Variants in GALNT17 observed in about 807,000 individuals in gnomAD.
GALNT17 encodes polypeptide N-acetylgalactosaminyltransferase 17, also known as UDP-GalNAc:polypeptide N-acetylgalactosaminyltransferase-like 3.
A neutral mutation model predicts 63.7 loss-of-function variants in GALNT17; 29 were observed. That is an observed-to-expected ratio of 0.46 (90% CI 0.34 to 0.62). GALNT17 has a LOEUF of 0.62. GALNT17 is among the 20% of genes least tolerant of loss of function. The pLI is 0.01. For missense variants in GALNT17, 603 were observed against 799.6 expected (o/e 0.75, Z 2.97); for synonymous variants, 305 against 318.3 (o/e 0.96, Z 0.45).
chr7:71,342,420 C>T (rs565633549), intron 2 of GALNT17, among the ~76,000 whole-genome samples: 1 of 152,268 alleles, frequency 6.6e-6, no homozygotes, highest in African/African-American at 2.4e-5. Context: ...TCCCACTAGG[C>T]CCCACCTCCC....
chr7:71,551,757 C>CA (rs398047765), intron 5 of GALNT17, among the ~76,000 whole-genome samples: 145 of 120,494 alleles, frequency 1.2e-3, no homozygotes, highest in South Asian at 4.9e-3. Context: ...GACCCTGTCT[C>CA]AAAAAAAAAA....
In GALNT17 at chr7:71,270,538, CAAAAAAAAAAAAAA is replaced by C. The variant is rs573250852; in HGVS notation, c.239-65002_239-64989del. Among the ~76,000 whole-genome samples, 241 of 89,196 alleles carry C rather than the reference CAAAAAAAAAAAAAA, an allele frequency of 2.7e-3. 2 individuals are homozygous for C. In the South Asian group the frequency reaches 0.036, roughly 13 times the overall value. The allele number at this position is 89,196 out of a possible 152,430, so 58.5% of individuals were successfully genotyped here. A position where few individuals can be genotyped will look rare whatever the true frequency, so the allele number is the denominator to read the frequency against. On this transcript the variant is annotated intron_variant, in intron 1 of 10. Transcript: ENST00000333538. ...AGACTACGTACCCTCCCCACCCCAC[CAAAAAAAAAAAAAA>C]AAAAAAAAAGAAACGAATTTTCTAA... is the stretch of plus-strand genomic sequence containing the variant.
chr7:71,583,853 G>A (rs1164625375), intron 6 of GALNT17, among the ~76,000 whole-genome samples: 3 of 152,078 alleles, frequency 2.0e-5, no homozygotes, highest in Non-Finnish European at 2.9e-5. Context: ...GGCTGGGCGC[G>A]GTGGCTCACG....
intron 5 of GALNT17, among the ~76,000 whole-genome samples, chr7:71,547,857 A>C (rs904290677): frequency 2.0e-5 from 3 of 152,122 alleles, no homozygotes; most frequent in African/African-American, 7.2e-5. Context: ...AGTTGTACAC[A>C]GTGATTTTTT....
At chr7:71,675,813 G>C (rs1160038223) in intron 8 of GALNT17, among the ~76,000 whole-genome samples, 1 of 151,990 alleles carries the variant, frequency 6.6e-6, no homozygotes, top group Non-Finnish European at 1.5e-5. Flanking sequence ...GTGGTGAAAC[G>C]CCATCTCTGC....
At chr7:71,442,117 C>T (rs1347594628) in intron 5 of GALNT17, among the ~76,000 whole-genome samples, 1 of 152,158 alleles carries the variant, frequency 6.6e-6, no homozygotes, top group Non-Finnish European at 1.5e-5. Flanking sequence ...TAAAAGTGTT[C>T]CTATTTCTCC....
chr7:71,667,002 A>G (rs1329251847), intron 7 of GALNT17, among the ~76,000 whole-genome samples: 2 of 152,234 alleles, frequency 1.3e-5, no homozygotes, highest in African/African-American at 2.4e-5. Context: ...TACATGTGGC[A>G]TGCTGAGAGT....
chr7:71,456,005 G>A (rs1362916762), intron 5 of GALNT17, among the ~76,000 whole-genome samples: 1 of 152,154 alleles, frequency 6.6e-6, no homozygotes, highest in Admixed American at 6.5e-5. Flanking sequence ...CAGCACTTTG[G>A]GAGGCTGAGG....
At chr7:71,504,827 C>G (rs1788240309) in intron 5 of GALNT17, among the ~76,000 whole-genome samples, 1 of 152,128 alleles carries the variant, frequency 6.6e-6, no homozygotes, top group South Asian at 2.1e-4. Context: ...CGTCACCTCT[C>G]AATGCTACGT....
At chr7:71,501,780 CA>C (rs887448032) in intron 5 of GALNT17, among the ~76,000 whole-genome samples, 1 of 152,194 alleles carries the variant, frequency 6.6e-6, no homozygotes, top group African/African-American at 2.4e-5. Flanking sequence ...GCTACTCCCC[CA>C]AACATCTGTC....
intron 1 of GALNT17, among the ~76,000 whole-genome samples, chr7:71,230,913 C>T (rs574963796): frequency 1.3e-5 from 2 of 152,106 alleles, no homozygotes; most frequent in East Asian, 1.9e-4. Context: ...AGTCTTGGGC[C>T]CCACCGCAGA....
intron 1 of GALNT17, among the ~76,000 whole-genome samples, chr7:71,162,581 G>C (rs903967795): frequency 2.9e-5 from 4 of 139,234 alleles, no homozygotes; most frequent in South Asian, 2.2e-4. Context: ...TGAATATAGG[G>C]CTCCATGTGA....
chr7:71,593,110 C>T (rs1789833839), intron 6 of GALNT17, among the ~76,000 whole-genome samples: 1 of 151,678 alleles, frequency 6.6e-6, no homozygotes, highest in African/African-American at 2.4e-5. Context: ...TGATTGCACC[C>T]TTGCACTGCA....
chr7:71,656,639 C>A (rs1265265668), intron 6 of GALNT17, among the ~76,000 whole-genome samples: 2 of 151,936 alleles, frequency 1.3e-5, no homozygotes, highest in Non-Finnish European at 2.9e-5. Flanking sequence ...ATGGTCGTAG[C>A]TTGCACCAAG....
At chr7:71,305,765 C>A (rs572062791) in intron 1 of GALNT17, among the ~76,000 whole-genome samples, 3 of 152,066 alleles carry the variant, frequency 2.0e-5, no homozygotes, top group Non-Finnish European at 4.4e-5. Flanking sequence ...CTTTTGGATT[C>A]GAAGAGAGAT....
At chr7:71,493,827 T>C (rs554509660) in intron 5 of GALNT17, among the ~76,000 whole-genome samples, 27 of 152,316 alleles carry the variant, frequency 1.8e-4, no homozygotes, top group Middle Eastern at 3.4e-3. Context: ...ACCTGTCCTC[T>C]CTGAACAATG....
At chr7:71,579,313 A>G in intron 6 of GALNT17, among the ~76,000 whole-genome samples, 1 of 152,214 alleles carries the variant, frequency 6.6e-6, no homozygotes, top group South Asian at 2.1e-4. Context: ...CTTCTGATTA[A>G]ATGGAAACTT....
At chr7:71,636,943 G>A (rs753415309) in intron 6 of GALNT17, among the ~76,000 whole-genome samples, 6 of 152,112 alleles carry the variant, frequency 3.9e-5, no homozygotes, top group Non-Finnish European at 7.4e-5. Context: ...TAGAGGAGTA[G>A]TGTCTGCAGA....
At chr7:71,237,887 T>TTTGTG (rs767541773) in intron 1 of GALNT17, among the ~76,000 whole-genome samples, 2 of 152,134 alleles carry the variant, frequency 1.3e-5, no homozygotes, top group Non-Finnish European at 2.9e-5. Flanking sequence ...GGACTAGATC[T>TTTGTG]TTGTGTGTGA....
Sources: gnomAD v4.1 joint callset for allele counts (sites outside exome capture counted in the v4.1 genomes callset) on GRCh38, gnomAD v4.1.1 for gene constraint, MANE v1.5 for transcripts, NCBI Gene and HGNC (gene_info 2026-07-23, HGNC 2026-07-21) for gene names.